The following RHOBTB1 variants were observed in gnomAD, a reference collection of about 807,000 sequenced individuals.
RHOBTB1 encodes the protein rho-related BTB domain-containing protein 1.
In RHOBTB1, 40 loss-of-function variants were observed where a neutral mutation model predicts 71.6. That is an observed-to-expected ratio of 0.56 (90% CI 0.43 to 0.73). The LOEUF (loss-of-function observed/expected upper bound fraction) is 0.73, where lower values mean the gene tolerates loss of function less well. Ranked by LOEUF, RHOBTB1 falls within the 30% of genes least tolerant of loss-of-function variation. The pLI, the probability that RHOBTB1 is intolerant of heterozygous loss-of-function variation, is 0.00. For synonymous variants in RHOBTB1, 319 were observed against 334.9 expected (o/e 0.95, Z 0.52); for missense variants, 797 against 894.0 (o/e 0.89, Z 1.38).
intron 4 of RHOBTB1, among the ~76,000 whole-genome samples, chr10:60,910,238 A>G (rs2082897105): frequency 6.6e-6 from 1 of 152,212 alleles, no homozygotes; most frequent in African/African-American, 2.4e-5. Context: ...AGAGGTTGCT[A>G]AATATTTTAA....
chr10:60,867,637 C>A (rs1564709753), downstream of RHOBTB1, among the ~76,000 whole-genome samples: 1 of 152,228 alleles, frequency 6.6e-6, no homozygotes, highest in South Asian at 2.1e-4. Flanking sequence ...TCATAGACTA[C>A]AGTCTATAAA....
chr10:60,892,063 C>T (rs1376240993), intron 5 of RHOBTB1, among the ~76,000 whole-genome samples: 1 of 152,176 alleles, frequency 6.6e-6, no homozygotes, highest in Non-Finnish European at 1.5e-5. Flanking sequence ...TTCCTGAGGC[C>T]TCCGCAGCCA....
chr10:60,937,946 G>T (rs1286794824), intron 2 of RHOBTB1, among the ~76,000 whole-genome samples: 3 of 152,126 alleles, frequency 2.0e-5, no homozygotes, highest in African/African-American at 7.2e-5. Context: ...AACCCTCTGA[G>T]GGGGGAGGGG....
At chr10:60,878,456 T>C (rs2081153148) in intron 7 of RHOBTB1, among the ~76,000 whole-genome samples, 1 of 152,200 alleles carries the variant, frequency 6.6e-6, no homozygotes, top group Non-Finnish European at 1.5e-5. Flanking sequence ...GCTGACATGA[T>C]GGAGCCTAGT....
upstream of RHOBTB1, among the ~76,000 whole-genome samples, chr10:60,946,171 CCTT>C (rs894264061): frequency 3.3e-4 from 44 of 134,640 alleles, no homozygotes; most frequent in African/African-American, 1.0e-3. Flanking sequence ...GAGCAAGACT[CCTT>C]CTCAGAAAAA....
At chr10:60,909,551 T>C (rs1211977254) in intron 4 of RHOBTB1, among the ~76,000 whole-genome samples, 2 of 152,172 alleles carry the variant, frequency 1.3e-5, no homozygotes, top group African/African-American at 4.8e-5. Flanking sequence ...TCAAGCTTCC[T>C]CAAAACCATA....
chr10:60,976,321 TTA>T (rs1406457495), intron 2 of RHOBTB1, among the ~76,000 whole-genome samples: 1 of 151,478 alleles, frequency 6.6e-6, no homozygotes, highest in East Asian at 1.9e-4. Flanking sequence ...TGTATATATA[TTA>T]TATATATATT....
chr10:60,917,323 T>C (rs906155008), intron 2 of RHOBTB1, among the ~76,000 whole-genome samples: 2 of 152,098 alleles, frequency 1.3e-5, no homozygotes, highest in African/African-American at 4.8e-5. Context: ...GATATCCTAC[T>C]GTGGCAGCTC....
In RHOBTB1 at chr10:60,871,646, G is replaced by T; in HGVS notation, c.1927C>A (p.Gln643Lys). Residue 643 changes from glutamine (Q) to lysine (K), a missense_variant, in exon 11 of 11, where the codon CAG becomes AAG. Physicochemically the swap from Gln to Lys is moderately conservative, Grantham distance 53 (BLOSUM62 1). This residue lies in a region of RHOBTB1 where 658 missense variants were observed against 681.5 expected (regional missense o/e 0.97). Transcript: ENST00000337910. Reference sequence around the variant, plus strand: ...CAGCGGTGCCGCTCGAAGTATTCCTGGTTGTCTGGTGAAGGAAAGATGCAG... The same window carrying T: ...CAGCGGTGCCGCTCGAAGTATTCCTTGTTGTCTGGTGAAGGAAAGATGCAG... ...KEIKSKSADN[Q>K]EYFERHRWPP... is the part of the protein sequence containing the mutation. 1 of 1,613,530 alleles carries T rather than the reference G, an allele frequency of 6.2e-7. No individual in the cohort carries two copies.
chr10:61,001,284 C>T (rs2087259136), intron 1 of RHOBTB1: 1 of 152,172 alleles, frequency 6.6e-6, no homozygotes, highest in African/African-American at 2.4e-5. Context: ...CCCCATGAGC[C>T]TGCGGATGTG....
rs932590775 is a variant in RHOBTB1, at chr10:60,938,720, G to GT, written c.-11+3083dup. Among the ~76,000 whole-genome samples, 7 of 152,214 alleles carry GT rather than the reference G, an allele frequency of 4.6e-5. No homozygotes were observed. In the South Asian group the frequency reaches 6.2e-4, roughly 14 times the overall value. On this transcript the variant is annotated intron_variant, in intron 2 of 10. Transcript: ENST00000337910. The stretch of plus-strand genomic sequence containing the variant: ...CTGGAATGAAATGGTTTAAAGTGTT[G>GT]TTTTTTTGGAGGGGGGGTTTGTTTA...
chr10:60,906,663 A>G (rs898446807), intron 4 of RHOBTB1, among the ~76,000 whole-genome samples: 1 of 152,232 alleles, frequency 6.6e-6, no homozygotes, highest in African/African-American at 2.4e-5. Flanking sequence ...GACAGGACAC[A>G]TGCAGCACGT....
chr10:60,992,033 T>G (rs2086888506), intron 1 of RHOBTB1, among the ~76,000 whole-genome samples: 1 of 152,102 alleles, frequency 6.6e-6, no homozygotes, highest in Admixed American at 6.5e-5. Context: ...TTTTTGAAAG[T>G]GTGAGTGTGT....
chr10:60,898,002 C>A (rs2082242604), intron 4 of RHOBTB1, among the ~76,000 whole-genome samples: 1 of 152,156 alleles, frequency 6.6e-6, no homozygotes, highest in Admixed American at 6.5e-5. Flanking sequence ...CCGCGCCTGG[C>A]CGCTAATAAT....
At chr10:60,910,207 C>T (rs531980020) in intron 4 of RHOBTB1, among the ~76,000 whole-genome samples, 21 of 152,160 alleles carry the variant, frequency 1.4e-4, no homozygotes, top group African/African-American at 5.1e-4. Flanking sequence ...TTGAGAGAGA[C>T]GTTAAGTTAT....
intron 4 of RHOBTB1, among the ~76,000 whole-genome samples, chr10:60,908,111 C>A (rs987239935): frequency 6.6e-6 from 1 of 152,110 alleles, no homozygotes; most frequent in African/African-American, 2.4e-5. Flanking sequence ...GTGGTTATAC[C>A]ACATCAGGAA....
At chr10:60,981,123 T>G (rs2086481098) in intron 2 of RHOBTB1, among the ~76,000 whole-genome samples, 1 of 152,160 alleles carries the variant, frequency 6.6e-6, no homozygotes, top group African/African-American at 2.4e-5. Context: ...TTTTTTGAAA[T>G]GAGTCTAAGA....
intron 1 of RHOBTB1, among the ~76,000 whole-genome samples, chr10:60,943,313 T>C (rs1181104445): frequency 6.6e-6 from 1 of 152,234 alleles, no homozygotes; most frequent in Non-Finnish European, 1.5e-5. Flanking sequence ...TTCTACATAG[T>C]TGCCTTCCAC....
chr10:60,929,363 T>C (rs980715842), intron 2 of RHOBTB1, among the ~76,000 whole-genome samples: 1 of 152,204 alleles, frequency 6.6e-6, no homozygotes. Context: ...TAATAATACA[T>C]TTCTGACTTG....
Sources: gnomAD v4.1 joint callset for allele counts (sites outside exome capture counted in the v4.1 genomes callset) on GRCh38, gnomAD v4.1.1 for gene constraint, gnomAD v4.1.1 regional missense constraint, MANE v1.5 for transcripts, NCBI Gene and HGNC (gene_info 2026-07-23, HGNC 2026-07-21) for gene names.